RAB10: variants seen among roughly 807,000 people sequenced by gnomAD.
The protein encoded by RAB10 is RAB10, member RAS oncogene family, also known as ras-related protein Rab-10.
In RAB10, 5 loss-of-function variants were observed where a neutral mutation model predicts 25.7. The ratio of observed to expected loss-of-function variants is 0.19; its 90% CI spans 0.10 to 0.41. RAB10 has a LOEUF of 0.41. Among genes scored for constraint, RAB10 ranks in the 10% least tolerant of loss-of-function variants. RAB10 has a pLI of 1.00. For missense variants in RAB10, 103 were observed against 245.8 expected, an observed-to-expected ratio of 0.42 and a Z score of 3.89; for synonymous variants, 89 against 86.4, an observed-to-expected ratio of 1.03 and a Z score of -0.16.
chr2:26,106,749 G>T (rs926019931), intron 2 of RAB10, among the ~76,000 whole-genome samples: 3 of 151,838 alleles, frequency 2.0e-5, no homozygotes, highest in African/African-American at 7.2e-5. Context: ...GTCCAGTGTG[G>T]TGGCACACGC....
intron 3 of RAB10, among the ~76,000 whole-genome samples, chr2:26,120,930 G>A (rs114787318): frequency 0.015 from 2,199 of 149,730 alleles, 15 homozygotes; most frequent in Middle Eastern, 0.028. Flanking sequence ...TTTTTTTCCC[G>A]AGACAAAGTC....
At position 26,093,753 on chromosome 2, in the gene RAB10, C is replaced by A. The variant is rs886727571; in HGVS notation, c.128-4909C>A. Among the ~76,000 whole-genome samples, 15 of 152,290 alleles carry A rather than the reference C, an allele frequency of 9.8e-5. No individual in the cohort carries two copies. The East Asian group carries it at 2.7e-3, about 27-fold the overall frequency. ...AGACTTTGATACTAAGAGGCATTTT[C>A]ACAATTTTATCCTGAAAGCATAGAG... On this transcript the variant is annotated intron_variant, in intron 1 of 5. Transcript: ENST00000264710.
intron 1 of RAB10, among the ~76,000 whole-genome samples, chr2:26,072,066 A>G (rs1666638788): frequency 1.7e-5 from 1 of 60,444 alleles, no homozygotes; most frequent in South Asian, 5.6e-4. Context: ...ACATGCTGTT[A>G]TAAAATTGCG....
chr2:26,104,373 A>G (rs574394311), intron 2 of RAB10, among the ~76,000 whole-genome samples: 2 of 152,238 alleles, frequency 1.3e-5, no homozygotes, highest in South Asian at 2.1e-4. Context: ...CTATTTGTGT[A>G]TCTTCTTTGG....
intron 3 of RAB10, among the ~76,000 whole-genome samples, chr2:26,125,601 C>T (rs1306300780): frequency 6.6e-6 from 1 of 151,882 alleles, no homozygotes; most frequent in African/African-American, 2.4e-5. Flanking sequence ...AGGCACACAC[C>T]ACCGTGCCTG....
intron 1 of RAB10, among the ~76,000 whole-genome samples, chr2:26,065,217 AAAAAAG>A (rs1223339584): frequency 6.6e-6 from 1 of 152,122 alleles, no homozygotes; most frequent in Non-Finnish European, 1.5e-5. Flanking sequence ...AGAAGAAAGA[AAAAAAG>A]AAAAAGAAAA....
At chr2:26,065,078 A>G (rs554274929) in intron 1 of RAB10, among the ~76,000 whole-genome samples, 2 of 152,192 alleles carry the variant, frequency 1.3e-5, no homozygotes, top group Admixed American at 1.3e-4. Context: ...AGAGTGTTTC[A>G]GTTTGGATAA....
Position 26,034,123 on chromosome 2 carries a change from GA to G in RAB10, c.-482del. The G allele has an allele frequency of 4.9e-6, 2 of 404,530 alleles. No individual in the cohort carries two copies. Among genetic ancestry groups the G allele is most frequent in the Non-Finnish European group, 8.7e-6 (2 of 228,892 alleles). The allele number at this position is 404,530 out of a possible 1,614,324, so 25.1% of individuals were successfully genotyped here. ...GCACGCCGGCGTGAGAGGGCACGGG[GA>G]AAAGGTGGCTCTGGCCGGGGTGGCT... On this transcript the variant is annotated 5_prime_UTR_variant, in exon 1 of 6. Transcript: ENST00000264710.
chr2:26,082,009 AGAT>A (rs1419089365), intron 1 of RAB10, among the ~76,000 whole-genome samples: 12 of 152,342 alleles, frequency 7.9e-5, no homozygotes, highest in Admixed American at 2.0e-4. Flanking sequence ...AAAGGAATGA[AGAT>A]GACAGGAAAT....
chr2:26,106,257 A>AC (rs1258423911), intron 2 of RAB10, among the ~76,000 whole-genome samples: 1 of 152,244 alleles, frequency 6.6e-6, no homozygotes, highest in Non-Finnish European at 1.5e-5. Flanking sequence ...CCTAGTATTT[A>AC]TATGGGAAGG....
At chr2:26,122,455 C>T (rs1174537217) in intron 3 of RAB10, among the ~76,000 whole-genome samples, 10 of 152,066 alleles carry the variant, frequency 6.6e-5, no homozygotes, top group Admixed American at 2.6e-4. Flanking sequence ...GTTGAAACCC[C>T]GTCTCTACTG....
intron 1 of RAB10, among the ~76,000 whole-genome samples, chr2:26,036,993 C>A (rs908892356): frequency 6.6e-6 from 1 of 151,912 alleles, no homozygotes; most frequent in Non-Finnish European, 1.5e-5. Flanking sequence ...CCATGTTGGT[C>A]AGGCTGGTCT....
chr2:26,051,421 G>A (rs1163827530), intron 1 of RAB10, among the ~76,000 whole-genome samples: 1 of 114,730 alleles, frequency 8.7e-6, no homozygotes, highest in Admixed American at 1.4e-4. Context: ...TCAAATGATT[G>A]TTGATTTCAG....
intron 1 of RAB10, among the ~76,000 whole-genome samples, chr2:26,069,422 T>A (rs1450621414): frequency 2.0e-5 from 3 of 152,158 alleles, no homozygotes; most frequent in Non-Finnish European, 4.4e-5. Flanking sequence ...GGCTCACACC[T>A]GTAATCCCAG....
At chr2:26,041,886 A>G (rs1665897774) in intron 1 of RAB10, among the ~76,000 whole-genome samples, 1 of 152,200 alleles carries the variant, frequency 6.6e-6, no homozygotes, top group Non-Finnish European at 1.5e-5. Flanking sequence ...CCTGGGCAAC[A>G]GGAGCAAAAC....
intron 1 of RAB10, among the ~76,000 whole-genome samples, chr2:26,047,339 TC>T (rs542115736): frequency 1.4e-5 from 2 of 139,760 alleles, no homozygotes; most frequent in African/African-American, 5.3e-5. Flanking sequence ...TGGGATTGGC[TC>T]CCCCCCACCC....
At chr2:26,098,760 A>G (rs1203750834) in intron 2 of RAB10, 38 bp downstream of exon 2, 1 of 1,456,352 alleles carries the variant, frequency 6.9e-7, no homozygotes, top group Non-Finnish European at 9.4e-7. Flanking sequence ...GCAGAATGTC[A>G]GGTTCCTTAA....
chr2:26,095,430 A>C (rs1475183725), intron 1 of RAB10, among the ~76,000 whole-genome samples: 1 of 151,720 alleles, frequency 6.6e-6, no homozygotes, highest in Non-Finnish European at 1.5e-5. Flanking sequence ...ACACGGTGAA[A>C]CCCCGTCTCT....
chr2:26,116,703 C>G (rs1195066075), intron 3 of RAB10, among the ~76,000 whole-genome samples: 1 of 151,718 alleles, frequency 6.6e-6, no homozygotes, highest in African/African-American at 2.4e-5. Flanking sequence ...ACTACAGGCA[C>G]CCGCCACCGC....
Sources: gnomAD v4.1 joint callset for allele counts (sites outside exome capture counted in the v4.1 genomes callset) on GRCh38, gnomAD v4.1.1 for gene constraint, MANE v1.5 for transcripts, NCBI Gene and HGNC (gene_info 2026-07-23, HGNC 2026-07-21) for gene names.